CERKL: variants seen among roughly 807,000 people sequenced by gnomAD.
CERKL encodes the protein ceramide kinase-like protein.
In CERKL, 61 loss-of-function variants were observed where a neutral mutation model predicts 63.4. That is an observed-to-expected ratio of 0.96 (90% CI 0.78 to 1.19). The LOEUF (loss-of-function observed/expected upper bound fraction) is 1.19, where lower values mean the gene tolerates loss of function less well. CERKL is among the 50% of genes most tolerant of loss of function. The pLI, the probability that CERKL is intolerant of heterozygous loss-of-function variation, is 0.00. For missense variants in CERKL, 675 were observed against 655.5 expected (o/e 1.03, Z -0.33); for synonymous variants, 250 against 230.5 (o/e 1.08, Z -0.77).
At chr2:181,635,866 A>G (rs1687158708) in intron 1 of CERKL, among the ~76,000 whole-genome samples, 1 of 152,222 alleles carries the variant, frequency 6.6e-6, no homozygotes, top group African/African-American at 2.4e-5. Flanking sequence ...CTGACTTTTT[A>G]CACTCCAATA....
intron 1 of CERKL, among the ~76,000 whole-genome samples, chr2:181,641,344 T>TATAC (rs1253574839): frequency 3.6e-4 from 2 of 5,568 alleles, no homozygotes; most frequent in African/African-American, 5.5e-4. Context: ...TATATATATA[T>TATAC]ACATATATAT....
chr2:181,648,096 G>T (rs567987991), intron 1 of CERKL, among the ~76,000 whole-genome samples: 2 of 152,200 alleles, frequency 1.3e-5, no homozygotes, highest in East Asian at 3.9e-4. Flanking sequence ...GTTGAAGAAA[G>T]GCACAGAAAA....
In CERKL at chr2:181,654,740, C is replaced by T. The variant is rs113976616; in HGVS notation, c.238+2029G>A. The stretch of plus-strand genomic sequence containing the variant: ...GAGCATTTCTAACATTTAAATATAT[C>T]ATCTCTTAATATCTCCTTCTTATTT... On this transcript the variant is annotated intron_variant, in intron 1 of 12. Coordinates refer to ENST00000410087, the MANE Select transcript of CERKL (RefSeq NM_201548.5). Among the ~76,000 whole-genome samples the T allele has an allele frequency of 3.9e-3, 491 of 124,492 alleles. 2 individuals are homozygous for T. The highest frequency in any genetic ancestry group is 0.011 in the African/African-American group (440 of 38,474). 81.7% of individuals were successfully genotyped at this position (124,492 alleles called of 152,430 possible).
chr2:181,539,532 T>C (rs1687392834), intron 11 of CERKL, among the ~76,000 whole-genome samples: 1 of 152,172 alleles, frequency 6.6e-6, no homozygotes, highest in South Asian at 2.1e-4. Context: ...AAAATAGTGA[T>C]ACTGTAGATT....
chr2:181,598,794 G>C lies in CERKL; in HGVS notation c.481+5043C>G, dbSNP rs1222513416. Among the ~76,000 whole-genome samples, 3 of 151,640 alleles carry C rather than the reference G, an allele frequency of 2.0e-5. No individual in the cohort carries two copies. In the East Asian group the frequency reaches 5.8e-4, roughly 29 times the overall value. On this transcript the variant is annotated intron_variant, in intron 2 of 12. Transcript: ENST00000410087. ...ACCACGCCCAAGGAATCCATAAAGA[G>C]CCTTGGCCCCCTGAAAGCACCCAGA...
chr2:181,627,605 T>C (rs1191797330), intron 1 of CERKL, among the ~76,000 whole-genome samples: 1 of 152,196 alleles, frequency 6.6e-6, no homozygotes, highest in Non-Finnish European at 1.5e-5. Context: ...GGATGAGTAT[T>C]TCTTTTGACG....
intron 3 of CERKL, among the ~76,000 whole-genome samples, chr2:181,569,686 G>A (rs993799426): frequency 6.6e-6 from 1 of 152,112 alleles, no homozygotes; most frequent in Non-Finnish European, 1.5e-5. Context: ...ACCATGATAA[G>A]GTCTAGCAGC....
At chr2:181,559,088 G>A (rs2105820943) in intron 4 of CERKL, among the ~76,000 whole-genome samples, 1 of 152,180 alleles carries the variant, frequency 6.6e-6, no homozygotes, top group African/African-American at 2.4e-5. Context: ...ACCAACCAAA[G>A]TCATAAAATC....
At chr2:181,577,225 G>A (rs947892870) in intron 2 of CERKL, among the ~76,000 whole-genome samples, 2 of 152,186 alleles carry the variant, frequency 1.3e-5, no homozygotes, top group Non-Finnish European at 2.9e-5. Context: ...TTTAATAGGA[G>A]TAATGTCAGA....
intron 1 of CERKL, among the ~76,000 whole-genome samples, chr2:181,642,875 C>T (rs1309314410): frequency 1.3e-5 from 2 of 152,298 alleles, no homozygotes; most frequent in African/African-American, 2.4e-5. Context: ...CATGAAATAG[C>T]TGCTTAAAGC....
chr2:181,603,588 G>A (rs1685546461), intron 2 of CERKL: 1 of 464,204 alleles, frequency 2.2e-6, no homozygotes, highest in Non-Finnish European at 4.0e-6. Context: ...TGGAATGCAA[G>A]GATGTTAAAC....
chr2:181,630,315 G>A (rs142577610), intron 1 of CERKL, among the ~76,000 whole-genome samples: 73 of 152,158 alleles, frequency 4.8e-4, no homozygotes, highest in East Asian at 3.1e-3. Context: ...CAAAGTGCTG[G>A]GATTACAGGT....
chr2:181,556,643 T>A (rs575315933), intron 5 of CERKL, among the ~76,000 whole-genome samples: 154 of 152,336 alleles, frequency 1.0e-3, no homozygotes, highest in African/African-American at 3.5e-3. Flanking sequence ...CAGTCTATCA[T>A]TGTTGGACAT....
intron 1 of CERKL, among the ~76,000 whole-genome samples, chr2:181,636,544 C>T (rs539283531): frequency 3.9e-5 from 6 of 152,036 alleles, no homozygotes; most frequent in Non-Finnish European, 8.8e-5. Context: ...CAGGTTGAGA[C>T]GCCAACTTCC....
At chr2:181,549,611 A>T (rs370924180) in intron 6 of CERKL, 23 bp downstream of exon 6, 13 of 1,534,266 alleles carry the variant, frequency 8.5e-6, no homozygotes, top group Non-Finnish European at 1.1e-5. Context: ...ATAAAATATG[A>T]ACTGCTTTGG....
chr2:181,548,311 G>T, intron 8 of CERKL: 1 of 558,512 alleles, frequency 1.8e-6, no homozygotes, highest in Non-Finnish European at 3.1e-6. Context: ...AAAGAGAACG[G>T]AAGGAGGGAG....
chr2:181,566,227 T>C (rs1688662447), intron 3 of CERKL, 106 bp from the exon 4 acceptor site: 5 of 811,776 alleles, frequency 6.2e-6, no homozygotes, highest in Non-Finnish European at 1.1e-5. Context: ...GGTCAAGTCA[T>C]AAAACAGCAT....
At chr2:181,640,815 T>C (rs935171546) in intron 1 of CERKL, among the ~76,000 whole-genome samples, 1 of 152,206 alleles carries the variant, frequency 6.6e-6, no homozygotes, top group African/African-American at 2.4e-5. Flanking sequence ...CTCTCTGGTT[T>C]AATGACCTTG....
chr2:181,569,168 C>A (rs945426448), intron 3 of CERKL, among the ~76,000 whole-genome samples: 2 of 152,160 alleles, frequency 1.3e-5, no homozygotes, highest in African/African-American at 4.8e-5. Context: ...AACTTCCTAA[C>A]TCACATCTGA....
Sources: gnomAD v4.1 joint callset for allele counts (sites outside exome capture counted in the v4.1 genomes callset) on GRCh38, gnomAD v4.1.1 for gene constraint, MANE v1.5 for transcripts, NCBI Gene and HGNC (gene_info 2026-07-23, HGNC 2026-07-21) for gene names.